Variants in KCNN2 observed in about 807,000 individuals in gnomAD.
KCNN2 encodes the protein small conductance calcium-activated potassium channel protein 2.
KCNN2 carries 24 observed loss-of-function variants against 55.5 expected under a neutral mutation model. The observed-to-expected ratio is 0.43, with a 90% CI of 0.31 to 0.61. The LOEUF (loss-of-function observed/expected upper bound fraction) is 0.61, where lower values mean the gene tolerates loss of function less well. KCNN2 is among the 20% of genes least tolerant of loss of function. The probability of loss-of-function intolerance (pLI) is 0.08; values close to 1 mark genes in which losing one functional copy is unlikely to be tolerated. For synonymous variants in KCNN2, 431 were observed against 336.1 expected (o/e 1.28, Z -3.09); for missense variants, 754 against 853.6 (o/e 0.88, Z 1.45).
intron 2 of KCNN2, among the ~76,000 whole-genome samples, chr5:114,278,971 G>A (rs535146591): frequency 2.0e-5 from 3 of 152,022 alleles, no homozygotes; most frequent in Non-Finnish European, 2.9e-5. Context: ...GGGAGCTGCA[G>A]ATCGGAGCTG....
At chr5:114,371,773 C>T (rs1266877368) in intron 2 of KCNN2, among the ~76,000 whole-genome samples, 1 of 152,174 alleles carries the variant, frequency 6.6e-6, no homozygotes, top group Admixed American at 6.5e-5. Context: ...TGATCACATC[C>T]TTCTGGACTT....
chr5:114,484,354 C>T (rs998835310), intron 5 of KCNN2, among the ~76,000 whole-genome samples: 4 of 152,110 alleles, frequency 2.6e-5, no homozygotes, highest in Admixed American at 6.6e-5. Context: ...TAGGAAATTA[C>T]TTAACGGGTA....
chr5:114,383,389 GGT>G (rs1431898129), intron 2 of KCNN2, among the ~76,000 whole-genome samples: 1 of 151,920 alleles, frequency 6.6e-6, no homozygotes, highest in African/African-American at 2.4e-5. Context: ...TGATTGCCTG[GGT>G]GTGAATATGG....
chr5:114,430,926 G>A (rs1759773315), intron 3 of KCNN2, among the ~76,000 whole-genome samples: 1 of 152,076 alleles, frequency 6.6e-6, no homozygotes, highest in Non-Finnish European at 1.5e-5. Flanking sequence ...AACTAGCCTT[G>A]TATGCTCAGA....
intron 3 of KCNN2, among the ~76,000 whole-genome samples, chr5:114,449,585 G>A (rs980888762): frequency 6.6e-6 from 1 of 152,176 alleles, no homozygotes; most frequent in Non-Finnish European, 1.5e-5. Flanking sequence ...ATGCACTGCT[G>A]TGGGTCATGC....
intron 1 of KCNN2, among the ~76,000 whole-genome samples, chr5:114,140,871 C>A (rs1404169576): frequency 5.3e-5 from 8 of 151,298 alleles, no homozygotes; most frequent in African/African-American, 1.2e-4. Context: ...TCACTGCAAC[C>A]TCCACCTCCC....
intron 2 of KCNN2, among the ~76,000 whole-genome samples, chr5:114,284,038 C>G (rs1755682603): frequency 6.6e-6 from 1 of 152,150 alleles, no homozygotes; most frequent in Non-Finnish European, 1.5e-5. Flanking sequence ...TTCAGGTTCT[C>G]TGTTTCTGGT....
chr5:114,216,684 A>C (rs1431926700), intron 1 of KCNN2, among the ~76,000 whole-genome samples: 2 of 152,118 alleles, frequency 1.3e-5, no homozygotes, highest in East Asian at 3.9e-4. Context: ...CAACATACTC[A>C]AAACTTCCCC....
chr5:114,406,996 G>A (rs1412704379), intron 3 of KCNN2, among the ~76,000 whole-genome samples: 1 of 151,942 alleles, frequency 6.6e-6, no homozygotes, highest in Non-Finnish European at 1.5e-5. Context: ...ATTTTCTTCT[G>A]GTATTCAGGG....
chr5:114,209,147 C>T (rs1355599413), intron 1 of KCNN2, among the ~76,000 whole-genome samples: 6 of 152,024 alleles, frequency 3.9e-5, no homozygotes, highest in Middle Eastern at 3.4e-3. Context: ...GCCTCACACT[C>T]CTGGCCTCAA....
At chr5:114,205,024 A>G (rs1753741427) in intron 1 of KCNN2, among the ~76,000 whole-genome samples, 1 of 152,258 alleles carries the variant, frequency 6.6e-6, no homozygotes, top group African/African-American at 2.4e-5. Flanking sequence ...ATGAAAAGCA[A>G]GAAGCAAGCT....
At chr5:114,243,441 T>C (rs1205067230) in intron 2 of KCNN2, among the ~76,000 whole-genome samples, 3 of 151,728 alleles carry the variant, frequency 2.0e-5, no homozygotes, top group South Asian at 2.1e-4. Context: ...AATCTCGCAG[T>C]GTCTGGCCCC....
At chr5:114,435,199 C>G (rs558881222) in intron 3 of KCNN2, among the ~76,000 whole-genome samples, 1 of 148,826 alleles carries the variant, frequency 6.7e-6, no homozygotes, top group Non-Finnish European at 1.5e-5. Context: ...AGTGCACAGT[C>G]TCTAGCAATT....
At chr5:114,216,290 C>T (rs961707938) in intron 1 of KCNN2, among the ~76,000 whole-genome samples, 7 of 152,050 alleles carry the variant, frequency 4.6e-5, no homozygotes, top group African/African-American at 1.2e-4. Context: ...ATTGGACTAA[C>T]GTAGAAGATA....
chr5:114,190,418 C>G (rs76707482), intron 1 of KCNN2, among the ~76,000 whole-genome samples: 1 of 151,986 alleles, frequency 6.6e-6, no homozygotes, highest in African/African-American at 2.4e-5. Context: ...CCTGACTCAG[C>G]GTAGATATAG....
chr5:114,112,828 C>T (rs1198406645), intron 1 of KCNN2, among the ~76,000 whole-genome samples: 7 of 152,134 alleles, frequency 4.6e-5, no homozygotes, highest in African/African-American at 1.2e-4. Context: ...AGAGTGAGGG[C>T]ATATTACTTC....
At chr5:114,470,241 G>T (rs1761657904) in intron 4 of KCNN2, among the ~76,000 whole-genome samples, 1 of 152,106 alleles carries the variant, frequency 6.6e-6, no homozygotes, top group Non-Finnish European at 1.5e-5. Context: ...CTCAGCAGAG[G>T]CCACCTGCCA....
At chr5:114,325,560 G>A (rs12518600) in intron 2 of KCNN2, among the ~76,000 whole-genome samples, 45,655 of 152,076 alleles carry the variant, frequency 0.3, 7,143 homozygotes, top group Non-Finnish European at 0.35. Flanking sequence ...AACCAGGAGT[G>A]TTTAGGAAAC....
chr5:114,227,058 T>C (rs970545834), intron 2 of KCNN2, among the ~76,000 whole-genome samples: 8 of 152,202 alleles, frequency 5.3e-5, no homozygotes, highest in African/African-American at 1.9e-4. Flanking sequence ...GACCACTCAG[T>C]CCAAAAGACT....
Sources: allele counts gnomAD v4.1 joint callset (sites outside exome capture counted in the v4.1 genomes callset), GRCh38; gene constraint gnomAD v4.1.1; transcripts MANE v1.5; gene names NCBI Gene and HGNC (gene_info 2026-07-23, HGNC 2026-07-21).